IL1RAPL1: variants seen among roughly 807,000 people sequenced by gnomAD.
The protein encoded by IL1RAPL1 is interleukin 1 receptor accessory protein like 1, also known as interleukin-1 receptor accessory protein-like 1.
Under a neutral mutation model 48.4 loss-of-function variants are expected in IL1RAPL1, and 3 were observed. The observed-to-expected ratio is 0.06, with a 90% CI of 0.03 to 0.16. IL1RAPL1 has a LOEUF of 0.16. IL1RAPL1 is among the 10% of genes least tolerant of loss of function. The pLI is 1.00. For missense variants in IL1RAPL1, 349 were observed against 530.6 expected, an observed-to-expected ratio of 0.66 and a Z score of 3.36; for synonymous variants, 185 against 187.7, an observed-to-expected ratio of 0.99 and a Z score of 0.12.
intron 6 of IL1RAPL1, among the ~76,000 whole-genome samples, chrX:29,907,900 C>A (rs1284807768): frequency 1.8e-5 from 2 of 111,271 alleles, no homozygotes; most frequent in African/African-American, 3.3e-5. Context: ...TAATTAGTAA[C>A]TGTAGAAATC....
intron 5 of IL1RAPL1, among the ~76,000 whole-genome samples, chrX:29,458,355 T>C (rs1314286794): frequency 8.9e-6 from 1 of 111,800 alleles, no homozygotes; most frequent in Non-Finnish European, 1.9e-5. Flanking sequence ...AATATTTTGT[T>C]GTAGTAAGTT....
At chrX:28,893,505 T>C (rs964035481) in intron 2 of IL1RAPL1, among the ~76,000 whole-genome samples, 2 of 111,419 alleles carry the variant, frequency 1.8e-5, no homozygotes, top group Admixed American at 1.9e-4. Context: ...GGGAAAGGCC[T>C]CTAACTATCC....
intron 5 of IL1RAPL1, among the ~76,000 whole-genome samples, chrX:29,455,230 T>A (rs766759707): frequency 2.7e-5 from 3 of 111,389 alleles, no homozygotes; most frequent in East Asian, 5.7e-4. Context: ...TAAAATTTTT[T>A]AAAAAAAGAA....
At chrX:28,778,030 C>T (rs191592109) in intron 1 of IL1RAPL1, among the ~76,000 whole-genome samples, 3 of 111,608 alleles carry the variant, frequency 2.7e-5, no homozygotes, top group South Asian at 7.5e-4. Flanking sequence ...TTTGGCATCA[C>T]GTGGGTCATC....
intron 5 of IL1RAPL1, among the ~76,000 whole-genome samples, chrX:29,401,988 G>C (rs1442028787): frequency 9.0e-6 from 1 of 110,654 alleles, no homozygotes; most frequent in Non-Finnish European, 1.9e-5. Context: ...CTGCCTCCCA[G>C]GTTCAAGAGA....
chrX:29,800,771 C>T lies in IL1RAPL1; in HGVS notation c.779-116693C>T, dbSNP rs369140644. ...AGACCGAGGTGGGCGGATCACCTGA[C>T]GTCAGGAGTTCGAGACCAGCCTGAC... On this transcript the variant is annotated intron_variant, in intron 6 of 10. Coordinates refer to ENST00000378993, the MANE Select transcript of IL1RAPL1 (RefSeq NM_014271.4). Among the ~76,000 whole-genome samples the T allele has an allele frequency of 3.4e-4, 33 of 97,829 alleles. No homozygotes were observed. In the East Asian group the frequency reaches 4.7e-3, roughly 14 times the overall value. 85.0% of individuals were successfully genotyped at this position (97,829 alleles called of 115,157 possible).
At chrX:29,124,806 G>A (rs1009116351) in intron 2 of IL1RAPL1, among the ~76,000 whole-genome samples, 1 of 111,531 alleles carries the variant, frequency 9.0e-6, no homozygotes, top group Non-Finnish European at 1.9e-5. Context: ...TAAACAGAAA[G>A]GTATTTATGG....
At chrX:29,220,009 T>G (rs1930944349) in intron 2 of IL1RAPL1, among the ~76,000 whole-genome samples, 1 of 110,755 alleles carries the variant, frequency 9.0e-6, no homozygotes, top group African/African-American at 3.3e-5. Context: ...AGTTAAAGTT[T>G]GTAATAGTGA....
intron 6 of IL1RAPL1, among the ~76,000 whole-genome samples, chrX:29,702,008 A>C (rs1927064614): frequency 9.0e-6 from 1 of 111,404 alleles, no homozygotes; most frequent in Non-Finnish European, 1.9e-5. Flanking sequence ...TAATCCCAGC[A>C]CTTTGGGAGG....
At chrX:28,694,685 A>G (rs1935212520) in intron 1 of IL1RAPL1, among the ~76,000 whole-genome samples, 1 of 112,356 alleles carries the variant, frequency 8.9e-6, no homozygotes. Context: ...GTTGCAGCTC[A>G]TATTATAAGA....
intron 5 of IL1RAPL1, among the ~76,000 whole-genome samples, chrX:29,477,823 G>T (rs771529287): frequency 1.8e-5 from 2 of 111,595 alleles, no homozygotes; most frequent in South Asian, 7.5e-4. Flanking sequence ...TAAAACTTCT[G>T]TACCAAAAAA....
chrX:29,806,856 G>A (rs1044667233), intron 6 of IL1RAPL1, among the ~76,000 whole-genome samples: 1 of 110,748 alleles, frequency 9.0e-6, no homozygotes, highest in African/African-American at 3.3e-5. Flanking sequence ...TGATTGGATC[G>A]TGGGGGTGGA....
chrX:29,244,908 A>C (rs112417167), intron 2 of IL1RAPL1, among the ~76,000 whole-genome samples: 1,469 of 110,181 alleles, frequency 0.013, 31 homozygotes, highest in African/African-American at 0.046. Flanking sequence ...TATTTCTCTT[A>C]ATGCTATCTC....
At chrX:29,735,722 AT>A (rs951979918) in intron 6 of IL1RAPL1, among the ~76,000 whole-genome samples, 185 of 105,206 alleles carry the variant, frequency 1.8e-3, no homozygotes, top group African/African-American at 6.4e-3. Context: ...TATGTTTGAG[AT>A]TTTTTTTTTC....
At chrX:29,787,686 A>T (rs1368774607) in intron 6 of IL1RAPL1, among the ~76,000 whole-genome samples, 2 of 112,046 alleles carry the variant, frequency 1.8e-5, no homozygotes, top group East Asian at 5.6e-4. Context: ...TTTCTTTACC[A>T]TTAAGACCTT....
chrX:28,897,266 G>A (rs1047288769), intron 2 of IL1RAPL1, among the ~76,000 whole-genome samples: 1 of 111,627 alleles, frequency 9.0e-6, no homozygotes, highest in Non-Finnish European at 1.9e-5. Flanking sequence ...CGCTAAGGGT[G>A]AAGGACCAAG....
At chrX:29,484,004 TAAA>T (rs144243686) in intron 5 of IL1RAPL1, among the ~76,000 whole-genome samples, 42,211 of 91,708 alleles carry the variant, frequency 0.46, 6,958 homozygotes, top group East Asian at 0.73. Flanking sequence ...AGTAGTCCAT[TAAA>T]AAAAAAAAAA....
intron 5 of IL1RAPL1, among the ~76,000 whole-genome samples, chrX:29,605,132 G>T (rs1479564623): frequency 9.8e-6 from 1 of 102,130 alleles, no homozygotes; most frequent in Non-Finnish European, 2.0e-5. Flanking sequence ...ACACACGGAG[G>T]GAGGGAGGGA....
intron 3 of IL1RAPL1, among the ~76,000 whole-genome samples, chrX:29,296,442 T>A (rs1477318697): frequency 9.0e-6 from 1 of 111,494 alleles, no homozygotes; most frequent in Non-Finnish European, 1.9e-5. Flanking sequence ...GATGACTCAA[T>A]ATCCTATTTC....
Sources: gnomAD v4.1 joint callset for allele counts (sites outside exome capture counted in the v4.1 genomes callset) on GRCh38, gnomAD v4.1.1 for gene constraint, MANE v1.5 for transcripts, NCBI Gene and HGNC (gene_info 2026-07-23, HGNC 2026-07-21) for gene names.